Variants in ADRA1A observed in about 807,000 individuals in gnomAD.
ADRA1A encodes the protein alpha-1A adrenergic receptor.
A neutral mutation model predicts 29.6 loss-of-function variants in ADRA1A; 31 were observed. That is an observed-to-expected ratio of 1.05 (90% CI 0.79 to 1.41). ADRA1A has a LOEUF of 1.41. Ranked by LOEUF, ADRA1A falls within the 40% of genes most tolerant of loss-of-function variation. The pLI, the probability that ADRA1A is intolerant of heterozygous loss-of-function variation, is 0.00. For missense variants in ADRA1A, 619 were observed against 601.1 expected, an observed-to-expected ratio of 1.03 and a Z score of -0.31; for synonymous variants, 311 against 254.3, an observed-to-expected ratio of 1.22 and a Z score of -2.12.
rs1183017316 is a variant in ADRA1A, at chr8:26,770,505, T to C, written c.1045A>G (p.Lys349Glu). 1 of 1,614,088 alleles carries C rather than the reference T, an allele frequency of 6.2e-7. No homozygotes were observed. Among genetic ancestry groups the C allele is most frequent in the Non-Finnish European group, 8.5e-7 (1 of 1,180,048 alleles). ...NVLRIQCLCR[K>E]QSSKHALGYT... is the part of the protein sequence containing the mutation. Reference sequence around the variant, plus strand: ...CCCAGGGCATGTTTGGAAGACTGCTTTCTGCAGAGACACTGGATTCTCAAG... The same window carrying C: ...CCCAGGGCATGTTTGGAAGACTGCTCTCTGCAGAGACACTGGATTCTCAAG... The change falls in exon 3 of 3, where the codon AAG becomes GAG. Residue 349 changes from lysine to glutamate, a missense_variant. By Grantham distance (56) the Lys-to-Glu change is moderately conservative. Coordinates refer to ENST00000380573, the MANE Select transcript of ADRA1A (RefSeq NM_000680.4).
In ADRA1A at chr8:26,860,442, C is replaced by A. The variant is rs979746010; in HGVS notation, c.883+3645G>T. ...CCTCCTGTATCCCTCAGCTGCTTAG[C>A]TCTTAGAGAAAAACACACAACCCTC... On this transcript the variant is annotated intron_variant, in intron 2 of 2. Coordinates refer to ENST00000380573, the MANE Select transcript of ADRA1A (RefSeq NM_000680.4). The surrounding 1 kb of genome is among the most constrained non-coding windows in gnomAD (Gnocchi z 4.7). Among the ~76,000 whole-genome samples the A allele has an allele frequency of 2.0e-5, 3 of 152,154 alleles. No homozygotes were observed. Among genetic ancestry groups the A allele is most frequent in the African/African-American group, 2.4e-5 (1 of 41,434 alleles).
rs534238448 is a variant in ADRA1A at position 26,826,474 on chromosome 8, G to A, written c.883+37613C>T. Among the ~76,000 whole-genome samples the A allele has an allele frequency of 3.3e-5, 5 of 152,210 alleles. No individual in the cohort carries two copies. The South Asian group carries it at 1.0e-3, about 32-fold the overall frequency. ...AAAAATTATATTTTATAACTCTATT[G>A]GTATAAAGATGACTACATTGTATAT... is the stretch of plus-strand genomic sequence containing the variant. On this transcript the variant is annotated intron_variant, in intron 2 of 2. Transcript: ENST00000380573.
At chr8:26,751,259 G>A (rs1381262580) in intron 2 of ADRA1A, among the ~76,000 whole-genome samples, 1 of 152,148 alleles carries the variant, frequency 6.6e-6, no homozygotes, top group African/African-American at 2.4e-5. Flanking sequence ...TCTGAAATGA[G>A]TATATGGATC....
chr8:26,796,255 CT>C lies in ADRA1A; in HGVS notation c.884-25590del, dbSNP rs1808188042. ...CAGCTTCATTACATGATTGTCTCTA[CT>C]TTTGTATGCATTTGATAATATCCAT... On this transcript the variant is annotated intron_variant, in intron 2 of 2. Coordinates refer to ENST00000380573, the MANE Select transcript of ADRA1A (RefSeq NM_000680.4). This position sits in a 1 kb window ranked among gnomAD's most constrained non-coding sequence, Gnocchi z 5.0. Among the ~76,000 whole-genome samples the C allele has an allele frequency of 1.3e-5, 2 of 152,072 alleles. No individual in the cohort carries two copies. Among genetic ancestry groups the C allele is most frequent in the African/African-American group, 4.8e-5 (2 of 41,414 alleles).
intron 2 of ADRA1A, chr8:26,859,151 C>T (rs1454971677): frequency 7.8e-7 from 1 of 1,290,158 alleles, no homozygotes; most frequent in Admixed American, 2.3e-5. Flanking sequence ...CAGCCTAGTG[C>T]AGACCGACAG....
intron 2 of ADRA1A, among the ~76,000 whole-genome samples, chr8:26,776,360 C>A (rs1437437827): frequency 1.3e-5 from 2 of 152,150 alleles, no homozygotes; most frequent in African/African-American, 4.8e-5. Flanking sequence ...TTCATTTTAC[C>A]CCCTGGAAAA....
rs570212817 is a variant in ADRA1A, at chr8:26,796,609, C to T, written c.884-25943G>A. On this transcript the variant is annotated intron_variant, in intron 2 of 2. Coordinates refer to ENST00000380573, the MANE Select transcript of ADRA1A (RefSeq NM_000680.4). The surrounding 1 kb of genome is among the most constrained non-coding windows in gnomAD (Gnocchi z 5.0). ...AGGACAAATGTATCCTACACGTGGC[C>T]GCAGAGAACAGACACCATGGGGACA... 1.5e-4 allele frequency among the ~76,000 whole-genome samples: 23 copies of T among 152,060 alleles called. No homozygotes were observed. Among genetic ancestry groups the T allele is most frequent in the African/African-American group, 4.8e-4 (20 of 41,490 alleles).
downstream of ADRA1A, among the ~76,000 whole-genome samples, chr8:26,761,769 G>A (rs1805516310): frequency 6.6e-6 from 1 of 152,330 alleles, no homozygotes; most frequent in Non-Finnish European, 1.5e-5. Context: ...TGCAAATGCA[G>A]GAGCATACTC....
At chr8:26,757,512 T>TCG (rs1554488988) in intron 2 of ADRA1A, among the ~76,000 whole-genome samples, 2 of 147,486 alleles carry the variant, frequency 1.4e-5, no homozygotes, top group African/African-American at 5.1e-5. Flanking sequence ...TGCTTCCATT[T>TCG]CCCCCACCCC....
intron 2 of ADRA1A, chr8:26,854,317 C>G (rs1202578972): frequency 6.6e-6 from 1 of 151,106 alleles, no homozygotes; most frequent in Non-Finnish European, 1.5e-5. Context: ...CACTTGAACC[C>G]AGGGTTCTAG....
chr8:26,753,299 T>A, downstream of ADRA1A, among the ~76,000 whole-genome samples: 1 of 152,204 alleles, frequency 6.6e-6, no homozygotes, highest in East Asian at 1.9e-4. Flanking sequence ...ACCATGTGCC[T>A]GACTTCTAAT....
downstream of ADRA1A, among the ~76,000 whole-genome samples, chr8:26,766,954 T>C (rs1805824916): frequency 6.6e-6 from 1 of 152,122 alleles, no homozygotes; most frequent in South Asian, 2.1e-4. Context: ...AGATATGCTA[T>C]GTGACGACAA....
intron 2 of ADRA1A, among the ~76,000 whole-genome samples, chr8:26,771,581 A>T (rs1400504823): frequency 6.6e-6 from 1 of 152,258 alleles, no homozygotes; most frequent in Non-Finnish European, 1.5e-5. Context: ...GCAGAAGAAC[A>T]AAACTGTGAA....
At chr8:26,832,045 C>T (rs1811011662) in intron 2 of ADRA1A, among the ~76,000 whole-genome samples, 1 of 152,210 alleles carries the variant, frequency 6.6e-6, no homozygotes, top group Non-Finnish European at 1.5e-5. Flanking sequence ...CTCCTCTGGC[C>T]CACCAGCCTT....
At chr8:26,782,580 C>T (rs1366168249) in intron 2 of ADRA1A, among the ~76,000 whole-genome samples, 2 of 152,138 alleles carry the variant, frequency 1.3e-5, no homozygotes, top group Non-Finnish European at 2.9e-5. Flanking sequence ...AAGAGACATC[C>T]TTGCTCTTTT....
chr8:26,866,913 G>A lies in ADRA1A; in HGVS notation c.-687+23C>T. ...TGCCCTCACCCACTCGGCCCTGCGG[G>A]ACGCCGGCCCCGGCGCACTCACCTG... On this transcript the variant is annotated intron_variant, in intron 1 of 2. Transcript: ENST00000380573. This position sits in a 1 kb window ranked among gnomAD's most constrained non-coding sequence, Gnocchi z 5.7. 7 of 985,424 alleles carry A rather than the reference G, an allele frequency of 7.1e-6. No homozygotes were observed. Among genetic ancestry groups the A allele is most frequent in the Non-Finnish European group, 8.4e-6 (7 of 829,970 alleles). 61.0% of individuals were successfully genotyped at this position (985,424 alleles called of 1,614,324 possible).
chr8:26,861,215 C>T (rs1813427842), intron 2 of ADRA1A, among the ~76,000 whole-genome samples: 1 of 151,920 alleles, frequency 6.6e-6, no homozygotes, highest in Admixed American at 6.6e-5. Context: ...TCACATTCTC[C>T]TGATTTTTCT....
chr8:26,848,629 T>A lies in ADRA1A; in HGVS notation c.883+15458A>T, dbSNP rs1407019302. 2.0e-5 allele frequency among the ~76,000 whole-genome samples: 3 copies of A among 152,182 alleles called. No individual in the cohort carries two copies. Among genetic ancestry groups the A allele is most frequent in the Admixed American group, 1.3e-4 (2 of 15,284 alleles). On this transcript the variant is annotated intron_variant, in intron 2 of 2. Transcript: ENST00000380573. The surrounding 1 kb of genome is among the most constrained non-coding windows in gnomAD (Gnocchi z 4.3). Reference sequence around the variant, plus strand: ...TGCCCAGTCTATACCTGCCCAGGTATTCCATTATGGCAGCCTGAGCTGACA... The same window carrying A: ...TGCCCAGTCTATACCTGCCCAGGTAATCCATTATGGCAGCCTGAGCTGACA...
At chr8:26,793,402 T>C (rs2130435991) in intron 2 of ADRA1A, among the ~76,000 whole-genome samples, 1 of 152,044 alleles carries the variant, frequency 6.6e-6, no homozygotes, top group African/African-American at 2.4e-5. Flanking sequence ...GATGGTTATA[T>C]TTAAACAAGA....
Sources: allele counts gnomAD v4.1 joint callset (sites outside exome capture counted in the v4.1 genomes callset), GRCh38; gene constraint gnomAD v4.1.1; non-coding constraint Gnocchi (gnomAD v3.1); transcripts MANE v1.5; gene names NCBI Gene and HGNC (gene_info 2026-07-23, HGNC 2026-07-21).